NFIA: variants seen among roughly 807,000 people sequenced by gnomAD.
NFIA encodes the protein nuclear factor I A.
In NFIA, 8 loss-of-function variants were observed where a neutral mutation model predicts 62.8. The observed-to-expected ratio is 0.13, with a 90% CI of 0.07 to 0.23. NFIA has a LOEUF of 0.23. NFIA is among the 10% of genes least tolerant of loss of function. The pLI, the probability that NFIA is intolerant of heterozygous loss-of-function variation, is 1.00. For missense variants in NFIA, 410 were observed against 642.1 expected (o/e 0.64, Z 3.91); for synonymous variants, 235 against 238.1 (o/e 0.99, Z 0.12).
At chr1:61,198,278 G>A (rs1652176009) in intron 2 of NFIA, among the ~76,000 whole-genome samples, 1 of 152,180 alleles carries the variant, frequency 6.6e-6, no homozygotes, top group African/African-American at 2.4e-5. Context: ...ATACAATCTT[G>A]ATAGAGTTCT....
intron 3 of NFIA, among the ~76,000 whole-genome samples, chr1:61,289,405 C>G (rs1265870983): frequency 6.6e-6 from 1 of 152,012 alleles, no homozygotes. Flanking sequence ...TATTAGTGTG[C>G]CCATTTTACA....
chr1:61,235,278 C>T lies in NFIA; in HGVS notation c.560-42242C>T, dbSNP rs192383442. ...GAGATCGAGACCATCCTGTCTAACACGGTGAAACCCCGTCTCTACTAAAAA... is the reference window on the plus strand; with the variant it reads ...GAGATCGAGACCATCCTGTCTAACATGGTGAAACCCCGTCTCTACTAAAAA... On this transcript the variant is annotated intron_variant, in intron 2 of 10. Coordinates refer to ENST00000403491, the MANE Select transcript of NFIA (RefSeq NM_001134673.4). 7.2e-5 allele frequency among the ~76,000 whole-genome samples: 11 copies of T among 151,932 alleles called. No individual in the cohort carries two copies. The South Asian group carries it at 1.0e-3, about 14-fold the overall frequency.
At chr1:61,259,589 A>G (rs562709545) in intron 2 of NFIA, among the ~76,000 whole-genome samples, 1 of 152,244 alleles carries the variant, frequency 6.6e-6, no homozygotes, top group African/African-American at 2.4e-5. Context: ...GAGGAAGGGA[A>G]AGGATTCTGA....
At chr1:61,149,699 A>ATGT (rs1648265978) in intron 2 of NFIA, among the ~76,000 whole-genome samples, 2 of 152,230 alleles carry the variant, frequency 1.3e-5, no homozygotes, top group Admixed American at 1.3e-4. Flanking sequence ...ACTTTGGGCA[A>ATGT]GTAGCTTAAC....
chr1:61,319,916 G>T (rs1660587817), intron 3 of NFIA, among the ~76,000 whole-genome samples: 2 of 151,908 alleles, frequency 1.3e-5, no homozygotes, highest in South Asian at 4.1e-4. Context: ...CAGAGATTGT[G>T]CAGTCTTTTA....
At chr1:61,285,194 A>G (rs1318863021) in intron 3 of NFIA, among the ~76,000 whole-genome samples, 1 of 152,022 alleles carries the variant, frequency 6.6e-6, no homozygotes, top group Non-Finnish European at 1.5e-5. Flanking sequence ...GTATGACAGG[A>G]CCCTTTGACA....
chr1:61,306,790 A>G (rs1032894333), intron 3 of NFIA, among the ~76,000 whole-genome samples: 1 of 152,150 alleles, frequency 6.6e-6, no homozygotes, highest in Non-Finnish European at 1.5e-5. Flanking sequence ...GTCCTGGAGG[A>G]GTTATTCTAT....
At position 61,383,385 on chromosome 1, in the gene NFIA, C is replaced by T. The variant is rs763451769; in HGVS notation, c.1075+20C>T. 1.9e-6 allele frequency: 3 copies of T among 1,613,492 alleles called. No individual in the cohort carries two copies. The highest frequency in any genetic ancestry group is 3.3e-5 in the Admixed American group (2 of 59,986). On this transcript the variant is annotated intron_variant, in intron 7 of 10. Coordinates refer to ENST00000403491, the MANE Select transcript of NFIA (RefSeq NM_001134673.4). ...CCAGAGGTGAGCTGCTCCACAGGCA[C>T]CCTTGGTTGTGCTTATATCATGGCC...
chr1:61,139,963 C>T (rs1647382958), intron 2 of NFIA, among the ~76,000 whole-genome samples: 1 of 150,714 alleles, frequency 6.6e-6, no homozygotes, highest in Admixed American at 6.6e-5. Context: ...GGAAGAATAG[C>T]TCTTCCTGCA....
chr1:61,299,108 T>C (rs772980211), intron 3 of NFIA, among the ~76,000 whole-genome samples: 3 of 152,204 alleles, frequency 2.0e-5, no homozygotes, highest in Non-Finnish European at 4.4e-5. Context: ...AGTGAGTTTA[T>C]AGAAGCTAAA....
chr1:61,235,765 A>G (rs1654972113), intron 2 of NFIA, among the ~76,000 whole-genome samples: 1 of 150,574 alleles, frequency 6.6e-6, no homozygotes, highest in Non-Finnish European at 1.5e-5. Context: ...GTGAGCTGTG[A>G]TAGTGCCACT....
chr1:61,361,453 T>C (rs917880998), intron 6 of NFIA, among the ~76,000 whole-genome samples: 4 of 152,176 alleles, frequency 2.6e-5, no homozygotes, highest in Admixed American at 6.6e-5. Flanking sequence ...ATTAAACATA[T>C]AGGTTTGGTA....
At chr1:61,342,779 A>T (rs1661997301) in intron 4 of NFIA, among the ~76,000 whole-genome samples, 1 of 152,266 alleles carries the variant, frequency 6.6e-6, no homozygotes, top group African/African-American at 2.4e-5. Context: ...GCAACACTAG[A>T]AATGTGAATT....
At chr1:61,446,914 C>T (rs1419208604) in intron 10 of NFIA, among the ~76,000 whole-genome samples, 1 of 152,152 alleles carries the variant, frequency 6.6e-6, no homozygotes, top group Non-Finnish European at 1.5e-5. Flanking sequence ...GAGCTCCGGC[C>T]TCCACTCCCA....
In NFIA at chr1:61,310,764, TTTCC is replaced by T. The variant is rs372925891; in HGVS notation, c.626-21718_626-21715del. Reference sequence around the variant, plus strand: ...ATCCCCTCCTCCTGCTTCTCCCTCTTTTCCTTCCTTCCTTCCTTCCTTCCTTCCT... The same window carrying T: ...ATCCCCTCCTCCTGCTTCTCCCTCTTTTCCTTCCTTCCTTCCTTCCTTCCT... On this transcript the variant is annotated intron_variant, in intron 3 of 10. Coordinates refer to ENST00000403491, the MANE Select transcript of NFIA (RefSeq NM_001134673.4). Among the ~76,000 whole-genome samples the T allele has an allele frequency of 7.6e-3, 983 of 129,402 alleles. 14 individuals are homozygous for T. The highest frequency in any genetic ancestry group is 0.023 in the African/African-American group (724 of 31,230). The allele number at this position is 129,402 out of a possible 152,430, so 84.9% of individuals were successfully genotyped here. A position where few individuals can be genotyped will look rare whatever the true frequency, so the allele number is the denominator to read the frequency against.
intron 2 of NFIA, among the ~76,000 whole-genome samples, chr1:61,220,763 C>T (rs1169301825): frequency 6.6e-6 from 1 of 152,166 alleles, no homozygotes; most frequent in Non-Finnish European, 1.5e-5. Flanking sequence ...CCACACCCTC[C>T]AATTTGTTAT....
At chr1:61,337,144 C>T (rs1057443878) in intron 4 of NFIA, among the ~76,000 whole-genome samples, 2 of 152,130 alleles carry the variant, frequency 1.3e-5, no homozygotes, top group African/African-American at 2.4e-5. Context: ...CAGGAGAAAG[C>T]TGCTGGCTTA....
At chr1:61,257,339 T>G (rs1445792432) in intron 2 of NFIA, among the ~76,000 whole-genome samples, 2 of 132,910 alleles carry the variant, frequency 1.5e-5, no homozygotes, top group South Asian at 2.7e-4. Flanking sequence ...GTTTTTTTTT[T>G]TTTTTTTTTT....
chr1:61,446,320 A>G (rs1400332711), intron 10 of NFIA, among the ~76,000 whole-genome samples: 1 of 152,154 alleles, frequency 6.6e-6, no homozygotes, highest in Non-Finnish European at 1.5e-5. Context: ...GAAGCCTTCC[A>G]GGGGTTGTGG....
Sources: allele counts gnomAD v4.1 joint callset (sites outside exome capture counted in the v4.1 genomes callset), GRCh38; gene constraint gnomAD v4.1.1; transcripts MANE v1.5; gene names NCBI Gene and HGNC (gene_info 2026-07-23, HGNC 2026-07-21).